ATG10: variants seen among roughly 807,000 people sequenced by gnomAD.
The protein encoded by ATG10 is autophagy related 10, also known as ubiquitin-like-conjugating enzyme ATG10.
In ATG10, 30 loss-of-function variants were observed where a neutral mutation model predicts 32.1. That is an observed-to-expected ratio of 0.94 (90% CI 0.70 to 1.27). The LOEUF (loss-of-function observed/expected upper bound fraction) is 1.27, where lower values mean the gene tolerates loss of function less well. ATG10 is among the 50% of genes most tolerant of loss of function. The probability of loss-of-function intolerance (pLI) is 0.00; values close to 1 mark genes in which losing one functional copy is unlikely to be tolerated. For missense variants in ATG10, 233 were observed against 262.3 expected (o/e 0.89, Z 0.77); for synonymous variants, 87 against 91.5 (o/e 0.95, Z 0.28).
Position 82,161,201 on chromosome 5 carries a change from A to G in ATG10, c.217-3198A>G, listed in dbSNP as rs543035556. 8.5e-5 allele frequency among the ~76,000 whole-genome samples: 13 copies of G among 152,308 alleles called. No individual in the cohort carries two copies. In the South Asian group the frequency reaches 1.2e-3, roughly 15 times the overall value. ...AACCAAGGATTCAAATTCATCTAATATGAGTAAAGCATGCAGAAATGTCAC... is the reference window on the plus strand; with the variant it reads ...AACCAAGGATTCAAATTCATCTAATGTGAGTAAAGCATGCAGAAATGTCAC... On this transcript the variant is annotated intron_variant, in intron 3 of 7. Coordinates refer to ENST00000282185, the MANE Select transcript of ATG10 (RefSeq NM_031482.5).
At chr5:82,239,079 T>G (rs1746683435) in intron 5 of ATG10, among the ~76,000 whole-genome samples, 2 of 152,212 alleles carry the variant, frequency 1.3e-5, no homozygotes, top group South Asian at 4.1e-4. Context: ...TCTCCTTCGT[T>G]CTTAGATACA....
chr5:81,987,699 T>C (rs768493367), intron 2 of ATG10, 21 bp downstream of exon 2: 12 of 1,565,220 alleles, frequency 7.7e-6, no homozygotes, highest in Non-Finnish European at 1.0e-5. Flanking sequence ...AAATGTTTGT[T>C]TTCTGTCTCA....
At chr5:82,013,878 A>T (rs1044312260) in intron 2 of ATG10, among the ~76,000 whole-genome samples, 2 of 151,576 alleles carry the variant, frequency 1.3e-5, no homozygotes, top group Non-Finnish European at 2.9e-5. Flanking sequence ...GATTTGTTTG[A>T]GTTCCTTGTA....
At chr5:81,988,872 C>G (rs1269458501) in intron 2 of ATG10, among the ~76,000 whole-genome samples, 2 of 152,124 alleles carry the variant, frequency 1.3e-5, no homozygotes, top group African/African-American at 4.8e-5. Flanking sequence ...CTTTGTCACC[C>G]AGGCTGGAGT....
intron 5 of ATG10, among the ~76,000 whole-genome samples, chr5:82,202,454 C>T (rs1389614818): frequency 6.6e-6 from 1 of 152,192 alleles, no homozygotes; most frequent in Non-Finnish European, 1.5e-5. Context: ...CAGACATCCG[C>T]AATCATGTTA....
intron 1 of ATG10, among the ~76,000 whole-genome samples, chr5:81,987,132 A>AT (rs956380959): frequency 5.3e-5 from 8 of 152,070 alleles, no homozygotes; most frequent in Admixed American, 3.3e-4. Flanking sequence ...ATACTTTTTT[A>AT]TTTTTTTTGA....
intron 5 of ATG10, among the ~76,000 whole-genome samples, chr5:82,225,840 TTGGAGAA>T (rs1263351421): frequency 6.6e-6 from 1 of 152,140 alleles, no homozygotes; most frequent in African/African-American, 2.4e-5. Flanking sequence ...AAACAAACAT[TTGGAGAA>T]TTATGCTAAC....
At chr5:81,979,290 G>A (rs1327139593) in intron 1 of ATG10, among the ~76,000 whole-genome samples, 2 of 152,176 alleles carry the variant, frequency 1.3e-5, no homozygotes, top group Admixed American at 6.5e-5. Flanking sequence ...CACTTCCAGA[G>A]GCCGAGATGG....
At chr5:82,001,551 A>C (rs1217532826) in intron 2 of ATG10, among the ~76,000 whole-genome samples, 1 of 152,184 alleles carries the variant, frequency 6.6e-6, no homozygotes. Flanking sequence ...CAATAGGGAA[A>C]GGACTCCCTA....
intron 2 of ATG10, among the ~76,000 whole-genome samples, chr5:82,049,354 C>T (rs1763328361): frequency 7.4e-6 from 1 of 135,358 alleles, no homozygotes; most frequent in South Asian, 2.2e-4. Flanking sequence ...ACAATGAGAA[C>T]ACATGGACAC....
At chr5:82,166,675 A>G (rs1481843995) in intron 4 of ATG10, among the ~76,000 whole-genome samples, 2 of 151,600 alleles carry the variant, frequency 1.3e-5, no homozygotes, top group African/African-American at 4.9e-5. Flanking sequence ...CTGGCCCTTC[A>G]TCTGTTTGTT....
intron 5 of ATG10, among the ~76,000 whole-genome samples, chr5:82,222,486 T>G (rs1409124240): frequency 6.6e-6 from 1 of 152,252 alleles, no homozygotes; most frequent in Non-Finnish European, 1.5e-5. Context: ...CTGTTATTAA[T>G]GATCTTGTCT....
intron 2 of ATG10, among the ~76,000 whole-genome samples, chr5:82,028,406 A>G (rs1415851879): frequency 2.6e-5 from 4 of 152,236 alleles, no homozygotes; most frequent in South Asian, 2.1e-4. Context: ...CAAATAAAGT[A>G]TGGAACCAGG....
intron 3 of ATG10, among the ~76,000 whole-genome samples, chr5:82,065,573 CA>C (rs1763917625): frequency 6.6e-6 from 1 of 151,396 alleles, no homozygotes; most frequent in South Asian, 2.1e-4. Flanking sequence ...TTTTATGTGA[CA>C]CTTATTTTCA....
intron 2 of ATG10, among the ~76,000 whole-genome samples, chr5:82,004,742 C>T (rs1423439445): frequency 6.6e-6 from 1 of 152,198 alleles, no homozygotes; most frequent in Non-Finnish European, 1.5e-5. Context: ...GATGAGTCCA[C>T]TCATCATGCA....
intron 3 of ATG10, among the ~76,000 whole-genome samples, chr5:82,142,133 G>A (rs1381141748): frequency 6.6e-6 from 1 of 152,198 alleles, no homozygotes; most frequent in Non-Finnish European, 1.5e-5. Flanking sequence ...CCTCTGAATT[G>A]CTTCATGTCT....
intron 4 of ATG10, among the ~76,000 whole-genome samples, chr5:82,166,406 T>G (rs1743583104): frequency 6.6e-6 from 1 of 152,188 alleles, no homozygotes; most frequent in Non-Finnish European, 1.5e-5. Context: ...CAGAATTCAT[T>G]TAGTGCTTGT....
chr5:82,128,383 T>G (rs1190349261), intron 3 of ATG10, among the ~76,000 whole-genome samples: 2 of 152,038 alleles, frequency 1.3e-5, no homozygotes, highest in African/African-American at 2.4e-5. Flanking sequence ...TTCATAGTGT[T>G]GATGGTCTTT....
chr5:82,221,552 T>C (rs960168178), intron 5 of ATG10, among the ~76,000 whole-genome samples: 1 of 152,114 alleles, frequency 6.6e-6, no homozygotes, highest in Admixed American at 6.5e-5. Context: ...TGTCTTGGTG[T>C]GGCCACCATC....
Sources: gnomAD v4.1 joint callset for allele counts (sites outside exome capture counted in the v4.1 genomes callset) on GRCh38, gnomAD v4.1.1 for gene constraint, MANE v1.5 for transcripts, NCBI Gene and HGNC (gene_info 2026-07-23, HGNC 2026-07-21) for gene names.